The following GIPC3 variants were observed in gnomAD, a reference collection of about 807,000 sequenced individuals.
GIPC3 encodes PDZ domain-containing protein GIPC3.
Under a neutral mutation model 27.3 loss-of-function variants are expected in GIPC3, and 16 were observed. That is an observed-to-expected ratio of 0.59 (90% CI 0.40 to 0.89). The LOEUF (loss-of-function observed/expected upper bound fraction) is 0.89. Ranked by LOEUF, GIPC3 falls within the 40% of genes least tolerant of loss-of-function variation. The probability of loss-of-function intolerance (pLI) is 0.00; values close to 1 mark genes in which losing one functional copy is unlikely to be tolerated. For synonymous variants in GIPC3, 194 were observed against 184.6 expected (o/e 1.05, Z -0.41); for missense variants, 440 against 442.1 (o/e 1.00, Z 0.04).
intron 3 of GIPC3, among the ~76,000 whole-genome samples, chr19:3,587,779 C>T (rs1261932162): frequency 2.0e-5 from 3 of 148,538 alleles, no homozygotes; most frequent in East Asian, 3.9e-4. Flanking sequence ...CAAGCTCCGC[C>T]TCCCGGGTTC....
rs538630284 is a variant in GIPC3, at chr19:3,587,512, C to A, written c.592+518C>A. Among the ~76,000 whole-genome samples, 61 of 152,106 alleles carry A rather than the reference C, an allele frequency of 4.0e-4. 1 individual carries two copies. The South Asian group carries it at 0.013, about 32-fold the overall frequency. The stretch of plus-strand genomic sequence containing the variant: ...GACCAGTCTGGTCTCGAACTTCTGA[C>A]CTCAAGTGCTCCACCCGCCTCAGTC... On this transcript the variant is annotated intron_variant, in intron 3 of 5. Transcript: ENST00000644452.
chr19:3,586,208 G>T (rs553440534), intron 1 of GIPC3, among the ~76,000 whole-genome samples: 1 of 152,188 alleles, frequency 6.6e-6, no homozygotes, highest in African/African-American at 2.4e-5. Context: ...GGGTTGGGGG[G>T]TTCCTGGGCG....
chr19:3,593,251 G>A lies in GIPC3; in HGVS notation c.*3061G>A. 2 of 1,232,866 alleles carry A rather than the reference G, an allele frequency of 1.6e-6. No individual in the cohort carries two copies. Among genetic ancestry groups the A allele is most frequent in the Admixed American group, 4.2e-5 (1 of 23,728 alleles). The allele number at this position is 1,232,866 out of a possible 1,614,324, so 76.4% of individuals were successfully genotyped here. A position where few individuals can be genotyped will look rare whatever the true frequency, so the allele number is the denominator to read the frequency against. On this transcript the variant is annotated 3_prime_UTR_variant, in exon 6 of 6. Transcript: ENST00000644452. ...GCGCCAGCCCTTTGCCCCACTCTGG[G>A]GGAGCCAGGAGCCCGCCCTTACCGC...
rs751423501 is a variant in GIPC3 at position 3,586,811 on chromosome 19, C to T, written c.412-3C>T. ...CCCTGCCAGCGACGCTGGATCCCTG[C>T]AGAGAATCAAGGAAGGCAGTATCAT... is the stretch of plus-strand genomic sequence containing the variant. On this transcript the variant is annotated splice_region_variant and splice_polypyrimidine_tract_variant and intron_variant, in intron 2 of 5. Coordinates refer to ENST00000644452, the MANE Select transcript of GIPC3 (RefSeq NM_133261.3). The T allele has an allele frequency of 3.1e-6, 5 of 1,613,398 alleles. No individual in the cohort carries two copies. Among genetic ancestry groups the T allele is most frequent in the Non-Finnish European group, 4.2e-6 (5 of 1,179,924 alleles).
chr19:3,588,741 G>A (rs954283128), intron 3 of GIPC3, among the ~76,000 whole-genome samples: 3 of 151,550 alleles, frequency 2.0e-5, no homozygotes, highest in Non-Finnish European at 4.4e-5. Flanking sequence ...TCAGGAGTTC[G>A]AGACCAGCCT....
chr19:3,587,203 A>C (rs2032387628), intron 3 of GIPC3, among the ~76,000 whole-genome samples: 1 of 151,942 alleles, frequency 6.6e-6, no homozygotes, highest in Admixed American at 6.6e-5. Context: ...TGGGGGAGAG[A>C]CTGGGTAAAG....
At chr19:3,587,792 A>G (rs1291182024) in intron 3 of GIPC3, among the ~76,000 whole-genome samples, 13 of 138,722 alleles carry the variant, frequency 9.4e-5, no homozygotes, top group East Asian at 6.5e-4. Flanking sequence ...CCGGGTTCAC[A>G]CCATTCTCCT....
At chr19:3,586,247 C>T (rs1207830433) in intron 1 of GIPC3, among the ~76,000 whole-genome samples, 1 of 152,024 alleles carries the variant, frequency 6.6e-6, no homozygotes, top group African/African-American at 2.4e-5. Flanking sequence ...GTTTGGTTTG[C>T]AGCCCCCAGG....
chr19:3,590,925 A>T lies in GIPC3; in HGVS notation c.*735A>T. On this transcript the variant is annotated 3_prime_UTR_variant, in exon 6 of 6. Transcript: ENST00000644452. Reference sequence around the variant, plus strand: ...CTCTGAGACCATGCCCAGCTCTAGAACTCAGATGAGCTCTGAGACAGAGCC... The same window carrying T: ...CTCTGAGACCATGCCCAGCTCTAGATCTCAGATGAGCTCTGAGACAGAGCC... 2.4e-6 allele frequency: 3 copies of T among 1,234,238 alleles called. No homozygotes were observed. In the East Asian group the frequency reaches 9.5e-5, roughly 39 times the overall value. The allele number at this position is 1,234,238 out of a possible 1,614,324, so 76.5% of individuals were successfully genotyped here.
chr19:3,592,207 G>C lies in GIPC3; in HGVS notation c.*2017G>C, dbSNP rs946316270. The stretch of plus-strand genomic sequence containing the variant: ...AGGACCCAGCGCTGCCCAGGAGCTC[G>C]ACCAGCCTCTGGGACTCAATTCGCC... On this transcript the variant is annotated 3_prime_UTR_variant, in exon 6 of 6. Coordinates refer to ENST00000644452, the MANE Select transcript of GIPC3 (RefSeq NM_133261.3). 4.1e-6 allele frequency: 5 copies of C among 1,231,884 alleles called. No individual in the cohort carries two copies. In the African/African-American group the frequency reaches 7.8e-5, roughly 19 times the overall value. 76.3% of individuals were successfully genotyped at this position (1,231,884 alleles called of 1,614,324 possible).
intron 3 of GIPC3, among the ~76,000 whole-genome samples, chr19:3,587,627 G>C: frequency 6.6e-6 from 1 of 151,134 alleles, no homozygotes; most frequent in South Asian, 2.1e-4. Context: ...GGATTGTAGA[G>C]AATGAGAATA....
rs2032529946 is a variant in GIPC3 at position 3,593,472 on chromosome 19, G to A, written c.*3282G>A. ...TCCAGGTCCTTGGAGGGAAAAGGAG[G>A]GCAGGAGACGGGTTGCACCGCATGT... is the stretch of plus-strand genomic sequence containing the variant. On this transcript the variant is annotated 3_prime_UTR_variant, in exon 6 of 6. Transcript: ENST00000644452. The A allele has an allele frequency of 4.3e-6, 2 of 463,012 alleles. No individual in the cohort carries two copies. Among genetic ancestry groups the A allele is most frequent in the Non-Finnish European group, 7.0e-6 (2 of 285,974 alleles). 28.7% of individuals were successfully genotyped at this position (463,012 alleles called of 1,614,324 possible).
chr19:3,589,667 A>G, intron 4 of GIPC3, 112 bp downstream of exon 4: 1 of 1,140,834 alleles, frequency 8.8e-7, no homozygotes, highest in Non-Finnish European at 1.3e-6. Flanking sequence ...CTCTGCCTGC[A>G]AAATGGGTCC....
intron 4 of GIPC3, 27 bp from the exon 5 acceptor site, chr19:3,589,804 C>G: frequency 6.2e-7 from 1 of 1,610,080 alleles, no homozygotes; most frequent in Non-Finnish European, 8.5e-7. Context: ...GCTTTTCACC[C>G]CTGACTTCCC....
At chr19:3,587,665 T>C (rs1345760107) in intron 3 of GIPC3, among the ~76,000 whole-genome samples, 1 of 151,054 alleles carries the variant, frequency 6.6e-6, no homozygotes, top group Non-Finnish European at 1.5e-5. Flanking sequence ...TTCTTTTCTT[T>C]TTTTTTTCCT....
Position 3,590,567 on chromosome 19 carries a change from C to G in GIPC3, c.*377C>G. On this transcript the variant is annotated 3_prime_UTR_variant, in exon 6 of 6. Transcript: ENST00000644452. ...CTGAGGCCAAGCCCAGCTCTAGAAC[C>G]CAGATGAGCTCTGAGACCATGCCCA... The G allele has an allele frequency of 1.5e-6, 2 of 1,332,332 alleles. No homozygotes were observed. The highest frequency in any genetic ancestry group is 4.7e-5 in the South Asian group (2 of 42,696). 82.5% of individuals were successfully genotyped at this position (1,332,332 alleles called of 1,614,324 possible).
At chr19:3,589,080 C>T (rs1019262973) in intron 3 of GIPC3, among the ~76,000 whole-genome samples, 2 of 152,218 alleles carry the variant, frequency 1.3e-5, no homozygotes, top group South Asian at 2.1e-4. Context: ...TCAGTCCTGA[C>T]ACTAAGCCGG....
chr19:3,589,839 G>GT lies in GIPC3; in HGVS notation c.717dup (p.Glu240Ter). ...CTCCCGTGTGCCCCCAGCCCAGTGA[G>GT]TTTGAGGAGGAGGCATCTCGGAAGG... On this transcript the variant is annotated frameshift_variant, in exon 5 of 6. Coordinates refer to ENST00000644452, the MANE Select transcript of GIPC3 (RefSeq NM_133261.3). LOFTEE classifies it high-confidence loss of function. 1 of 1,613,822 alleles carries GT rather than the reference G, an allele frequency of 6.2e-7. No individual in the cohort carries two copies. The highest frequency in any genetic ancestry group is 8.5e-7 in the Non-Finnish European group (1 of 1,180,000).
chr19:3,592,876 G>A lies in GIPC3; in HGVS notation c.*2686G>A. On this transcript the variant is annotated 3_prime_UTR_variant, in exon 6 of 6. Coordinates refer to ENST00000644452, the MANE Select transcript of GIPC3 (RefSeq NM_133261.3). ...AATGGAATCTGCCCACAGACCCCTGGCCTTGACCCTAGAATCCAGCTTGAG... is the reference window on the plus strand; with the variant it reads ...AATGGAATCTGCCCACAGACCCCTGACCTTGACCCTAGAATCCAGCTTGAG... 8.1e-7 allele frequency: 1 copy of A among 1,232,128 alleles called. No individual in the cohort carries two copies. Among genetic ancestry groups the A allele is most frequent in the Non-Finnish European group, 1.0e-6 (1 of 988,120 alleles). 76.3% of individuals were successfully genotyped at this position (1,232,128 alleles called of 1,614,324 possible).
Sources: gnomAD v4.1 joint callset for allele counts (sites outside exome capture counted in the v4.1 genomes callset) on GRCh38, gnomAD v4.1.1 for gene constraint, MANE v1.5 for transcripts, NCBI Gene and HGNC (gene_info 2026-07-23, HGNC 2026-07-21) for gene names.